Variants in SLC30A3 observed in about 807,000 individuals in gnomAD.
The protein encoded by SLC30A3 is solute carrier family 30 member 3.
In SLC30A3, 20 loss-of-function variants were observed where a neutral mutation model predicts 35.6. That is an observed-to-expected ratio of 0.56 (90% CI 0.39 to 0.82). The LOEUF is 0.82. Ranked by LOEUF, SLC30A3 falls within the 40% of genes least tolerant of loss-of-function variation. The probability of loss-of-function intolerance (pLI) is 0.00; values close to 1 mark genes in which losing one functional copy is unlikely to be tolerated. For missense variants in SLC30A3, 401 were observed against 530.6 expected (o/e 0.76, Z 2.40); for synonymous variants, 217 against 224.7 (o/e 0.97, Z 0.31).
In SLC30A3 at chr2:27,262,965, C is replaced by A. The variant is rs1677298517; in HGVS notation, c.-59G>T. 10 of 1,452,110 alleles carry A rather than the reference C, an allele frequency of 6.9e-6. No homozygotes were observed. In the Admixed American group the frequency reaches 3.1e-4, roughly 44 times the overall value. 90.0% of individuals were successfully genotyped at this position (1,452,110 alleles called of 1,614,324 possible). A position where few individuals can be genotyped will look rare whatever the true frequency, so the allele number is the denominator to read the frequency against. ...AGGAAGAGAGAGGCCGGGCCGGCCCCGCGCCAAGTCCGAGCAGCCCGCCGA... is the reference window on the plus strand; with the variant it reads ...AGGAAGAGAGAGGCCGGGCCGGCCCAGCGCCAAGTCCGAGCAGCCCGCCGA... On this transcript the variant is annotated 5_prime_UTR_variant, in exon 1 of 8. Transcript: ENST00000233535. The surrounding 1 kb of genome is among the most constrained non-coding windows in gnomAD (Gnocchi z 7.5).
rs1281679006 is a variant in SLC30A3, at chr2:27,262,520, G to A, written c.95+292C>T. Among the ~76,000 whole-genome samples the A allele has an allele frequency of 6.6e-6, 1 of 152,114 alleles. No individual in the cohort carries two copies. Among genetic ancestry groups the A allele is most frequent in the Non-Finnish European group, 1.5e-5 (1 of 68,002 alleles). On this transcript the variant is annotated intron_variant, in intron 1 of 7. Coordinates refer to ENST00000233535, the MANE Select transcript of SLC30A3 (RefSeq NM_003459.5). The surrounding 1 kb of genome is among the most constrained non-coding windows in gnomAD (Gnocchi z 7.5). Reference sequence around the variant, plus strand: ...CGACCGAGCGGCAGCTGCTCCCAGGGAAGGCAGGCGCCGCGGGGGTGGCGG... The same window carrying A: ...CGACCGAGCGGCAGCTGCTCCCAGGAAAGGCAGGCGCCGCGGGGGTGGCGG...
chr2:27,268,945 A>G lies in SLC30A3; in HGVS notation c.-158-4863T>C, dbSNP rs1044657878. Among the ~76,000 whole-genome samples, 3 of 152,266 alleles carry G rather than the reference A, an allele frequency of 2.0e-5. 1 individual carries two copies. Among genetic ancestry groups the G allele is most frequent in the Admixed American group, 2.0e-4 (3 of 15,290 alleles). On this transcript the variant is annotated intron_variant, in intron 1 of 5. Coordinates refer to the SLC30A3 transcript ENST00000424577. ...CAACGGGGAGAAAAGTTAGGAGACTAGGACACCAGCCAGTGTGATATGGAA... is the reference window on the plus strand; with the variant it reads ...CAACGGGGAGAAAAGTTAGGAGACTGGGACACCAGCCAGTGTGATATGGAA...
In SLC30A3 at chr2:27,255,711, T is replaced by C; in HGVS notation, c.1019-251A>G. The C allele has an allele frequency of 2.0e-6, 1 of 497,774 alleles. No homozygotes were observed. The highest frequency in any genetic ancestry group is 3.6e-6 in the Non-Finnish European group (1 of 278,922). 30.8% of individuals were successfully genotyped at this position (497,774 alleles called of 1,614,324 possible). On this transcript the variant is annotated intron_variant, in intron 7 of 7. Transcript: ENST00000233535. This position sits in a 1 kb window ranked among gnomAD's most constrained non-coding sequence, Gnocchi z 5.2. ...TCTCTCCTGTCATTAAGTGTCAACA[T>C]ACAGCTCAACATTTCAGCAGCCATA...
intron 1 of SLC30A3, among the ~76,000 whole-genome samples, chr2:27,260,783 T>A (rs1677139769): frequency 6.6e-6 from 1 of 152,134 alleles, no homozygotes; most frequent in Non-Finnish European, 1.5e-5. Flanking sequence ...GTAGATTAAT[T>A]TCTTGAATTT....
Position 27,257,979 on chromosome 2 carries a change from C to A in SLC30A3, c.504G>T (p.Leu168=), listed in dbSNP as rs965074412. 2.7e-5 allele frequency: 44 copies of A among 1,614,186 alleles called. No individual in the cohort carries two copies. The highest frequency in any genetic ancestry group is 3.6e-5 in the Non-Finnish European group (42 of 1,180,016). The part of the protein sequence containing the change: ...GILLYLAFVR[L]LHSDYHIEGG... The stretch of plus-strand genomic sequence containing the variant: ...CCTCGATGTGGTAGTCGCTGTGCAG[C>A]AGGCGGACGAAGGCCAGGTACAGGA... The change falls in exon 4 of 8, where the codon CTG becomes CTT. Residue 168 remains leucine, a synonymous_variant. Transcript: ENST00000233535. The surrounding 1 kb of genome is among the most constrained non-coding windows in gnomAD (Gnocchi z 4.7).
chr2:27,256,870 G>T lies in SLC30A3; in HGVS notation c.801C>A (p.Pro267=). Residue 267 remains proline, a synonymous_variant, in exon 6 of 8, where the codon CCC becomes CCA. Transcript: ENST00000233535. ...YFKPQYKAAD[P]ISTFLFSICA... is the part of the protein sequence containing the mutation. The stretch of plus-strand genomic sequence containing the variant: ...AGATGGAGAAGAGGAAGGTGCTGAT[G>T]GGGTCGGCTGCCTTGTATTGAGGCT... 1.2e-6 allele frequency: 2 copies of T among 1,607,130 alleles called. No homozygotes were observed. The highest frequency in any genetic ancestry group is 1.7e-6 in the Non-Finnish European group (2 of 1,178,486).
At chr2:27,267,551 T>G (rs1166864730), upstream of SLC30A3, among the ~76,000 whole-genome samples, 2 of 152,140 alleles carry the variant, frequency 1.3e-5, no homozygotes, top group African/African-American at 4.8e-5. Flanking sequence ...TAATGCACTC[T>G]GCCAGATGTG....
upstream of SLC30A3, chr2:27,275,367 G>A (rs1178833119): frequency 4.0e-5 from 20 of 494,736 alleles, no homozygotes; most frequent in South Asian, 2.5e-4. Context: ...CCCTGCGCGC[G>A]AAATAAGTCC....
At chr2:27,267,515 T>C (rs995335300), upstream of SLC30A3, among the ~76,000 whole-genome samples, 2 of 152,266 alleles carry the variant, frequency 1.3e-5, no homozygotes, top group Non-Finnish European at 2.9e-5. Flanking sequence ...CCCCAGGGCC[T>C]TCACATTTGC....
intron 1 of SLC30A3, among the ~76,000 whole-genome samples, chr2:27,268,925 G>A (rs1011789001): frequency 6.6e-6 from 1 of 152,078 alleles, no homozygotes; most frequent in Non-Finnish European, 1.5e-5. Flanking sequence ...GCCAGCAACG[G>A]GGAGAAAAGT....
Position 27,275,080 on chromosome 2 carries a change from G to T in SLC30A3, c.-159+97C>A. ...TCTTCCAGGTTGTGGAGGTGTTTCC[G>T]GGTGGAAGAGAAGGAGGGACCAAGC... On this transcript the variant is annotated intron_variant, in intron 1 of 5. Coordinates refer to the SLC30A3 transcript ENST00000424577. 4.0e-6 allele frequency: 3 copies of T among 742,184 alleles called. No homozygotes were observed. The South Asian group carries it at 4.4e-5, about 11-fold the overall frequency. The allele number at this position is 742,184 out of a possible 1,614,324, so 46.0% of individuals were successfully genotyped here. A position where few individuals can be genotyped will look rare whatever the true frequency, so the allele number is the denominator to read the frequency against.
chr2:27,268,497 T>TTATAG (rs1677589932), intron 1 of SLC30A3, among the ~76,000 whole-genome samples: 1 of 152,186 alleles, frequency 6.6e-6, no homozygotes, highest in Non-Finnish European at 1.5e-5. Flanking sequence ...CTCACGCCTA[T>TTATAG]AATCCCAGCA....
At position 27,262,807 on chromosome 2, in the gene SLC30A3, C is replaced by T; in HGVS notation, c.95+5G>A. The T allele has an allele frequency of 1.3e-6, 2 of 1,567,374 alleles. No individual in the cohort carries two copies. The highest frequency in any genetic ancestry group is 1.7e-6 in the Non-Finnish European group (2 of 1,161,484). ...GGGCCGAGGGCCAGCCCAGGTCTGT[C>T]CTACCTCTTCAAACGCAGGCTGCCT... On this transcript the variant is annotated splice_donor_5th_base_variant and intron_variant, in intron 1 of 7. Transcript: ENST00000233535. The surrounding 1 kb of genome is among the most constrained non-coding windows in gnomAD (Gnocchi z 7.5).
At chr2:27,259,181 G>A (rs1677044406) in intron 1 of SLC30A3, 2 of 405,904 alleles carry the variant, frequency 4.9e-6, no homozygotes, top group Non-Finnish European at 8.8e-6. Flanking sequence ...CCTTACAGAC[G>A]GTCTAGTCTA....
rs142470130 is a variant in SLC30A3, at chr2:27,257,319, G to A, written c.612C>T (p.Pro204=). The A allele has an allele frequency of 2.0e-4, 327 of 1,613,408 alleles. 3 individuals are homozygous for A. The highest frequency in any genetic ancestry group is 1.1e-3 in the South Asian group (102 of 91,004). ...CTGCTCCCCTAGACCCGTGGCTGTG[G>A]GGGGGCCCAGCCTGGTGCAGCACAA... ...MAFVLHQAGP[P]HSHGSRGAEY... Residue 204 remains proline, a synonymous_variant, in exon 5 of 8, where the codon CCC becomes CCT. Transcript: ENST00000233535. This position sits in a 1 kb window ranked among gnomAD's most constrained non-coding sequence, Gnocchi z 4.7.
intron 1 of SLC30A3, among the ~76,000 whole-genome samples, chr2:27,259,717 G>A (rs1216085672): frequency 1.3e-5 from 2 of 152,278 alleles, no homozygotes; most frequent in East Asian, 1.9e-4. Context: ...GACACATGGA[G>A]GCCAACCCAG....
chr2:27,274,681 G>A (rs72817537), intron 1 of SLC30A3, among the ~76,000 whole-genome samples: 42,015 of 148,300 alleles, frequency 0.28, 6,563 homozygotes, highest in African/African-American at 0.42. Context: ...AAAAAAAAAA[G>A]AAAAGAAAAA....
At chr2:27,268,243 T>C (rs11682713) in intron 1 of SLC30A3, among the ~76,000 whole-genome samples, 10,546 of 152,252 alleles carry the variant, frequency 0.069, 505 homozygotes, top group South Asian at 0.14. Flanking sequence ...CTGTCTCCCA[T>C]ATTAGGCTCT....
chr2:27,255,526 A>T lies in SLC30A3; in HGVS notation c.1019-66T>A. On this transcript the variant is annotated intron_variant, in intron 7 of 7. Coordinates refer to ENST00000233535, the MANE Select transcript of SLC30A3 (RefSeq NM_003459.5). The surrounding 1 kb of genome is among the most constrained non-coding windows in gnomAD (Gnocchi z 5.2). Reference sequence around the variant, plus strand: ...GAAAGAACAGGCAGGGACTGAGATAAGGACAGGGAAAGGGGCTGCACAGCA... The same window carrying T: ...GAAAGAACAGGCAGGGACTGAGATATGGACAGGGAAAGGGGCTGCACAGCA... 1 of 1,564,606 alleles carries T rather than the reference A, an allele frequency of 6.4e-7. No homozygotes were observed. Among genetic ancestry groups the T allele is most frequent in the South Asian group, 1.2e-5 (1 of 86,318 alleles).
Sources: gnomAD v4.1 joint callset for allele counts (sites outside exome capture counted in the v4.1 genomes callset) on GRCh38, gnomAD v4.1.1 for gene constraint, Gnocchi (gnomAD v3.1) non-coding constraint, MANE v1.5 for transcripts, NCBI Gene and HGNC (gene_info 2026-07-23, HGNC 2026-07-21) for gene names.